The following AOPEP variants were observed in gnomAD, a reference collection of about 807,000 sequenced individuals.
AOPEP encodes the protein aminopeptidase O.
AOPEP carries 77 observed loss-of-function variants against 98.1 expected under a neutral mutation model. The observed-to-expected ratio is 0.78, with a 90% CI of 0.65 to 0.95. The LOEUF (loss-of-function observed/expected upper bound fraction) is 0.95. Ranked by LOEUF, AOPEP falls within the 40% of genes least tolerant of loss-of-function variation. The pLI is 0.00. For missense variants in AOPEP, 1,024 were observed against 1,024.7 expected (o/e 1.00, Z 0.01); for synonymous variants, 346 against 365.3 (o/e 0.95, Z 0.60).
the AOPEP span, among the ~76,000 whole-genome samples, chr9:95,129,969 C>T: frequency 3.3e-5 from 5 of 152,154 alleles, no homozygotes; most frequent in African/African-American, 9.7e-5. Flanking sequence ...TCCCCTCCAC[C>T]TAGAAAGAAA....
At chr9:94,837,504 TC>T (rs1212145668) in intron 5 of AOPEP, among the ~76,000 whole-genome samples, 1 of 152,054 alleles carries the variant, frequency 6.6e-6, no homozygotes, top group East Asian at 1.9e-4. Flanking sequence ...GATAGAAAAA[TC>T]CTTAACAGAA....
At chr9:95,127,043 T>C in the AOPEP span, 8 of 178,596 alleles carry the variant, frequency 4.5e-5, no homozygotes, top group East Asian at 1.0e-3. Context: ...AGAATTATTA[T>C]TGGCAAACCA....
At chr9:95,092,099 A>G (rs564051491), downstream of AOPEP, among the ~76,000 whole-genome samples, 9 of 151,066 alleles carry the variant, frequency 6.0e-5, no homozygotes, top group Non-Finnish European at 1.3e-4. Flanking sequence ...CACACACACT[A>G]GTAGGGAGAG....
At chr9:94,915,246 G>T (rs1164803481) in intron 5 of AOPEP, among the ~76,000 whole-genome samples, 1 of 152,098 alleles carries the variant, frequency 6.6e-6, no homozygotes, top group Non-Finnish European at 1.5e-5. Flanking sequence ...CTTTGCCTGG[G>T]AGAAAATAAA....
the AOPEP span, among the ~76,000 whole-genome samples, chr9:95,138,767 A>G: frequency 6.6e-6 from 1 of 152,216 alleles, no homozygotes; most frequent in Non-Finnish European, 1.5e-5. Flanking sequence ...GAGCAGCAGC[A>G]AATTCACATG....
At chr9:95,111,435 A>G in the AOPEP span, 2 of 1,605,986 alleles carry the variant, frequency 1.2e-6, no homozygotes, top group Non-Finnish European at 8.5e-7. Flanking sequence ...GCCCACCCCA[A>G]ACACATGCAG....
intron 7 of AOPEP, chr9:94,931,673 T>C: frequency 8.1e-7 from 1 of 1,240,304 alleles, no homozygotes. Flanking sequence ...CTTGAAATGA[T>C]GGGCCATAAC....
At chr9:94,946,756 G>A (rs375403737) in intron 7 of AOPEP, among the ~76,000 whole-genome samples, 33 of 152,130 alleles carry the variant, frequency 2.2e-4, no homozygotes, top group African/African-American at 6.5e-4. Context: ...GAGAACGTTC[G>A]CTTTCTTGGG....
intron 5 of AOPEP, among the ~76,000 whole-genome samples, chr9:94,803,158 A>G (rs971316954): frequency 6.6e-6 from 1 of 152,220 alleles, no homozygotes; most frequent in Non-Finnish European, 1.5e-5. Flanking sequence ...AAAGACCTCC[A>G]TACTGAAACC....
chr9:94,759,807 C>T lies in AOPEP; in HGVS notation c.24C>T (p.Ala8=), dbSNP rs1234920476. MDIQLDP[A]RDDLPLMANT... ...TCATGGACATACAGCTGGACCCTGC[C>T]AGAGATGACCTGCCTCTCATGGCCA... The change falls in exon 2 of 17, where the codon GCC becomes GCT. Residue 8 remains alanine, a synonymous_variant. Transcript: ENST00000375315. The T allele has an allele frequency of 6.2e-7, 1 of 1,613,898 alleles. No homozygotes were observed. Among genetic ancestry groups the T allele is most frequent in the Non-Finnish European group, 8.5e-7 (1 of 1,179,974 alleles).
downstream of AOPEP, among the ~76,000 whole-genome samples, chr9:95,087,550 C>A (rs1283108609): frequency 6.4e-5 from 1 of 15,720 alleles, no homozygotes; most frequent in Non-Finnish European, 2.0e-4. Flanking sequence ...TCTGGTGTTC[C>A]CCCCCCACCT....
In AOPEP at chr9:94,796,008, G is replaced by A. The variant is rs951844672; in HGVS notation, c.1118+3090G>A. On this transcript the variant is annotated intron_variant, in intron 4 of 16. Transcript: ENST00000375315. ...GACAAATTTACCCACCCAGTTACCA[G>A]CCCAGCTGGACTGCTGCTGTCCTCT... Among the ~76,000 whole-genome samples, 5 of 152,332 alleles carry A rather than the reference G, an allele frequency of 3.3e-5. No homozygotes were observed. The East Asian group carries it at 9.6e-4, about 29-fold the overall frequency.
At chr9:94,819,740 T>A (rs1852568251) in intron 5 of AOPEP, among the ~76,000 whole-genome samples, 1 of 148,274 alleles carries the variant, frequency 6.7e-6, no homozygotes, top group East Asian at 2.0e-4. Context: ...CTGGCTAAAT[T>A]TTTTTTTTTT....
the AOPEP span, among the ~76,000 whole-genome samples, chr9:95,139,398 C>T: frequency 3.3e-5 from 5 of 152,094 alleles, no homozygotes; most frequent in African/African-American, 1.2e-4. Flanking sequence ...CACACAGCCC[C>T]GTGTTAATCA....
chr9:94,973,115 C>T (rs1417323039), intron 10 of AOPEP, among the ~76,000 whole-genome samples: 1 of 152,218 alleles, frequency 6.6e-6, no homozygotes, highest in Non-Finnish European at 1.5e-5. Flanking sequence ...TGCCTTACCT[C>T]TATCTGGCTG....
chr9:94,887,127 G>C (rs1291547756), intron 5 of AOPEP, among the ~76,000 whole-genome samples: 1 of 151,904 alleles, frequency 6.6e-6, no homozygotes, highest in Non-Finnish European at 1.5e-5. Flanking sequence ...GATCCCTTGA[G>C]CTCAGGAGTT....
Position 94,825,741 on chromosome 9 carries a change from T to C in AOPEP, c.1364+24739T>C, listed in dbSNP as rs1013895013. On this transcript the variant is annotated intron_variant, in intron 5 of 16. Coordinates refer to ENST00000375315, the MANE Select transcript of AOPEP (RefSeq NM_001193329.3). Reference sequence around the variant, plus strand: ...ACTGTTTTATTCCATTCAGGGACTATAATTACAGGGCGCCCATCGGCATGG... The same window carrying C: ...ACTGTTTTATTCCATTCAGGGACTACAATTACAGGGCGCCCATCGGCATGG... Among the ~76,000 whole-genome samples the C allele has an allele frequency of 8.5e-5, 13 of 152,196 alleles. 1 individual carries two copies. Among genetic ancestry groups the C allele is most frequent in the African/African-American group, 3.1e-4 (13 of 41,456 alleles).
the AOPEP span, among the ~76,000 whole-genome samples, chr9:95,144,827 G>T: frequency 6.6e-6 from 1 of 152,174 alleles, no homozygotes; most frequent in South Asian, 2.1e-4. Flanking sequence ...CGGGTGTTGG[G>T]CACTGTAAGG....
At chr9:95,110,052 A>G in the AOPEP span, among the ~76,000 whole-genome samples, 1 of 152,308 alleles carries the variant, frequency 6.6e-6, no homozygotes, top group African/African-American at 2.4e-5. Context: ...CCTGTGACAG[A>G]ATGGGGGGAA....
Sources: allele counts gnomAD v4.1 joint callset (sites outside exome capture counted in the v4.1 genomes callset), GRCh38; gene constraint gnomAD v4.1.1; transcripts MANE v1.5; gene names NCBI Gene and HGNC (gene_info 2026-07-23, HGNC 2026-07-21).